The following AGBL4 variants were observed in gnomAD, a reference collection of about 807,000 sequenced individuals.
AGBL4 encodes cytosolic carboxypeptidase 6.
A neutral mutation model predicts 66.4 loss-of-function variants in AGBL4; 58 were observed. The ratio of observed to expected loss-of-function variants is 0.87; its 90% CI spans 0.71 to 1.09. The LOEUF is 1.09. Ranked by LOEUF, AGBL4 falls within the 50% of genes least tolerant of loss-of-function variation. AGBL4 has a pLI of 0.00. For synonymous variants in AGBL4, 234 were observed against 222.9 expected (o/e 1.05, Z -0.44); for missense variants, 579 against 631.0 (o/e 0.92, Z 0.88).
intron 3 of AGBL4, among the ~76,000 whole-genome samples, chr1:49,408,150 G>C (rs553273926): frequency 6.6e-6 from 1 of 152,268 alleles, no homozygotes; most frequent in African/African-American, 2.4e-5. Flanking sequence ...GTAAGAGATT[G>C]CTTCCTGTAA....
intron 3 of AGBL4, among the ~76,000 whole-genome samples, chr1:49,253,511 C>T (rs1226613265): frequency 6.6e-6 from 1 of 151,862 alleles, no homozygotes; most frequent in Non-Finnish European, 1.5e-5. Context: ...ATAACGAGTT[C>T]TAAAATTGAG....
At chr1:49,550,916 TC>T (rs1008192883) in intron 3 of AGBL4, among the ~76,000 whole-genome samples, 8 of 152,120 alleles carry the variant, frequency 5.3e-5, no homozygotes, top group Non-Finnish European at 1.0e-4. Flanking sequence ...AGAATTCTCT[TC>T]TCCCTAGGAA....
intron 6 of AGBL4, among the ~76,000 whole-genome samples, chr1:48,745,656 T>A (rs1380686721): frequency 6.6e-6 from 1 of 152,222 alleles, no homozygotes; most frequent in Non-Finnish European, 1.5e-5. Flanking sequence ...CCACCAGTGA[T>A]GCAAGGCCTG....
chr1:49,772,718 A>AGTT (rs1644097125), intron 2 of AGBL4, among the ~76,000 whole-genome samples: 1 of 152,184 alleles, frequency 6.6e-6, no homozygotes, highest in Admixed American at 6.5e-5. Context: ...AACTCTGCTG[A>AGTT]CAATCTAATG....
chr1:48,974,167 A>G (rs963901867), intron 5 of AGBL4, among the ~76,000 whole-genome samples: 1 of 152,116 alleles, frequency 6.6e-6, no homozygotes, highest in Non-Finnish European at 1.5e-5. Context: ...AAGAAGGACG[A>G]AAGTTTAGGT....
chr1:49,436,445 T>A (rs1348503428), intron 3 of AGBL4, among the ~76,000 whole-genome samples: 2 of 152,104 alleles, frequency 1.3e-5, no homozygotes, highest in Admixed American at 6.6e-5. Context: ...AAGAGAAAAT[T>A]TCTGCCAGTT....
At chr1:49,115,340 A>G (rs1380858098) in intron 4 of AGBL4, among the ~76,000 whole-genome samples, 1 of 152,188 alleles carries the variant, frequency 6.6e-6, no homozygotes, top group Non-Finnish European at 1.5e-5. Flanking sequence ...TCTACTGAAA[A>G]GAGAATATTA....
chr1:49,375,512 T>A (rs185591748), intron 3 of AGBL4, among the ~76,000 whole-genome samples: 5 of 152,226 alleles, frequency 3.3e-5, no homozygotes, highest in Admixed American at 2.6e-4. Flanking sequence ...CTTATCTGCA[T>A]GTAGACATTC....
rs1038485780 is a variant in AGBL4 at position 48,797,842 on chromosome 1, C to T, written c.634+69349G>A. Among the ~76,000 whole-genome samples, 7 of 152,258 alleles carry T rather than the reference C, an allele frequency of 4.6e-5. No individual in the cohort carries two copies. The South Asian group carries it at 1.2e-3, about 27-fold the overall frequency. Reference sequence around the variant, plus strand: ...GATTACAGGCGTGAGCCACTGCACCCGGCCCATATACCACATTTTCTTTAT... The same window carrying T: ...GATTACAGGCGTGAGCCACTGCACCTGGCCCATATACCACATTTTCTTTAT... On this transcript the variant is annotated intron_variant, in intron 6 of 13. Coordinates refer to ENST00000371839, the MANE Select transcript of AGBL4 (RefSeq NM_032785.4).
At chr1:48,932,787 G>C (rs1427639187) in intron 5 of AGBL4, among the ~76,000 whole-genome samples, 2 of 151,154 alleles carry the variant, frequency 1.3e-5, no homozygotes, top group African/African-American at 4.9e-5. Flanking sequence ...TTTTCTAGGA[G>C]TGAAAGTCTT....
In AGBL4 at chr1:49,515,523, C is replaced by A. The variant is rs576296968; in HGVS notation, c.282+181790G>T. On this transcript the variant is annotated intron_variant, in intron 3 of 13. Coordinates refer to ENST00000371839, the MANE Select transcript of AGBL4 (RefSeq NM_032785.4). ...GAACTAGAAATACCATTTGACCCAG[C>A]AATCCCATTACTGGGTATATACCCA... 5.9e-5 allele frequency among the ~76,000 whole-genome samples: 9 copies of A among 152,052 alleles called. No individual in the cohort carries two copies. In the South Asian group the frequency reaches 1.7e-3, roughly 28 times the overall value.
At chr1:48,947,898 GT>G (rs200634667) in intron 5 of AGBL4, among the ~76,000 whole-genome samples, 32 of 142,548 alleles carry the variant, frequency 2.2e-4, no homozygotes, top group East Asian at 8.1e-4. Flanking sequence ...TTTTTGTTTT[GT>G]TTTTTTTTTT....
chr1:49,936,818 A>C (rs887410565), intron 1 of AGBL4, among the ~76,000 whole-genome samples: 23 of 152,180 alleles, frequency 1.5e-4, no homozygotes, highest in Admixed American at 9.2e-4. Flanking sequence ...AAGGCCTGCC[A>C]TAAAAGAGCT....
intron 6 of AGBL4, among the ~76,000 whole-genome samples, chr1:48,795,938 G>A (rs1645663991): frequency 6.6e-6 from 1 of 152,226 alleles, no homozygotes; most frequent in South Asian, 2.1e-4. Flanking sequence ...ACAGGCGTGA[G>A]CCACTGTGCC....
intron 1 of AGBL4, among the ~76,000 whole-genome samples, chr1:49,920,536 G>A (rs1244678126): frequency 2.6e-5 from 4 of 152,002 alleles, no homozygotes; most frequent in South Asian, 2.1e-4. Flanking sequence ...CAAAACCACA[G>A]TGAGATACCA....
chr1:49,533,997 GT>G (rs1471461595), intron 3 of AGBL4, among the ~76,000 whole-genome samples: 1 of 151,936 alleles, frequency 6.6e-6, no homozygotes, highest in Non-Finnish European at 1.5e-5. Flanking sequence ...AGGGTCTAGG[GT>G]TTCTAAAGAG....
At chr1:49,741,139 T>G (rs574237165) in intron 2 of AGBL4, among the ~76,000 whole-genome samples, 1 of 151,732 alleles carries the variant, frequency 6.6e-6, no homozygotes, top group Middle Eastern at 3.2e-3. Context: ...ATCAACAAAA[T>G]TGATAGACCG....
At chr1:49,289,676 A>G (rs1478330171) in intron 3 of AGBL4, among the ~76,000 whole-genome samples, 1 of 152,206 alleles carries the variant, frequency 6.6e-6, no homozygotes, top group Non-Finnish European at 1.5e-5. Context: ...AAATACTAAT[A>G]AAAATACAAC....
intron 4 of AGBL4, among the ~76,000 whole-genome samples, chr1:49,116,465 G>A (rs1217755649): frequency 6.6e-6 from 1 of 152,168 alleles, no homozygotes; most frequent in Admixed American, 6.5e-5. Context: ...GTGAGAACAT[G>A]TGGTGTTTGA....
Sources: allele counts gnomAD v4.1 joint callset (sites outside exome capture counted in the v4.1 genomes callset), GRCh38; gene constraint gnomAD v4.1.1; transcripts MANE v1.5; gene names NCBI Gene and HGNC (gene_info 2026-07-23, HGNC 2026-07-21).